The following THEMIS variants were observed in gnomAD, a reference collection of about 807,000 sequenced individuals.
THEMIS encodes protein THEMIS.
In THEMIS, 37 loss-of-function variants were observed where a neutral mutation model predicts 52.6. That is an observed-to-expected ratio of 0.70 (90% confidence interval 0.54 to 0.93). The LOEUF (loss-of-function observed/expected upper bound fraction) is 0.93. Ranked by LOEUF, THEMIS falls within the 40% of genes least tolerant of loss-of-function variation. The pLI is 0.00. For synonymous variants in THEMIS, 292 were observed against 272.7 expected (o/e 1.07, Z -0.70); for missense variants, 808 against 763.1 (o/e 1.06, Z -0.69).
intron 1 of THEMIS, among the ~76,000 whole-genome samples, chr6:127,899,043 G>C (rs1474750781): frequency 6.6e-6 from 1 of 151,798 alleles, no homozygotes; most frequent in Non-Finnish European, 1.5e-5. Flanking sequence ...ATAAGATCTA[G>C]TGTTTGGTAG....
chr6:127,759,181 AG>A (rs1278918749), intron 4 of THEMIS, among the ~76,000 whole-genome samples: 3 of 152,186 alleles, frequency 2.0e-5, no homozygotes, highest in African/African-American at 7.2e-5. Flanking sequence ...TTTTAAATAA[AG>A]ATGCTTGATT....
intron 1 of THEMIS, among the ~76,000 whole-genome samples, chr6:127,864,367 C>A (rs1444755157): frequency 6.6e-6 from 1 of 152,028 alleles, no homozygotes; most frequent in Admixed American, 6.6e-5. Context: ...TTTTGATTTA[C>A]AAGAGCTGTT....
intron 1 of THEMIS, among the ~76,000 whole-genome samples, chr6:127,908,539 A>G (rs1781333540): frequency 6.6e-6 from 1 of 152,142 alleles, no homozygotes; most frequent in African/African-American, 2.4e-5. Flanking sequence ...TGTCTTGCAA[A>G]GTGCAATGTG....
intron 4 of THEMIS, among the ~76,000 whole-genome samples, chr6:127,800,100 G>A (rs570554367): frequency 2.2e-4 from 34 of 152,244 alleles, no homozygotes; most frequent in African/African-American, 7.2e-4. Context: ...CATTGTTGAT[G>A]AGCTTTTTCT....
At chr6:127,748,106 G>A (rs1280931447) in intron 4 of THEMIS, among the ~76,000 whole-genome samples, 2 of 152,058 alleles carry the variant, frequency 1.3e-5, no homozygotes, top group East Asian at 3.9e-4. Context: ...GGAGCTAATG[G>A]CTGGCAGAAT....
chr6:127,778,945 G>C (rs1343946607), intron 4 of THEMIS, among the ~76,000 whole-genome samples: 1 of 150,950 alleles, frequency 6.6e-6, no homozygotes, highest in African/African-American at 2.4e-5. Context: ...TTATTATACT[G>C]CACAGAAGCA....
intron 3 of THEMIS, among the ~76,000 whole-genome samples, chr6:127,826,939 A>AT (rs146784148): frequency 0.02 from 3,061 of 150,234 alleles, 115 homozygotes; most frequent in African/African-American, 0.069. Flanking sequence ...AAACATTTTT[A>AT]TTTTTTTTTT....
chr6:127,858,238 T>A (rs547989005), intron 1 of THEMIS, among the ~76,000 whole-genome samples: 2 of 152,204 alleles, frequency 1.3e-5, no homozygotes, highest in East Asian at 1.9e-4. Flanking sequence ...AGCTTTTGAC[T>A]CTTCAGGTCT....
At chr6:127,742,931 T>C (rs1447929898) in intron 4 of THEMIS, among the ~76,000 whole-genome samples, 4 of 152,166 alleles carry the variant, frequency 2.6e-5, no homozygotes, top group Non-Finnish European at 5.9e-5. Flanking sequence ...GGTAGAAATT[T>C]GTATTATGTA....
chr6:127,874,940 C>A (rs1780269986), intron 1 of THEMIS, among the ~76,000 whole-genome samples: 1 of 152,244 alleles, frequency 6.6e-6, no homozygotes, highest in African/African-American at 2.4e-5. Context: ...GCTGAACAGC[C>A]AGCAAAGCTG....
chr6:127,887,436 T>C (rs1780679399), intron 1 of THEMIS, among the ~76,000 whole-genome samples: 1 of 152,152 alleles, frequency 6.6e-6, no homozygotes. Flanking sequence ...TTATTCATAA[T>C]ACTTGCAATC....
At chr6:127,706,590 T>A (rs537647826), downstream of THEMIS, among the ~76,000 whole-genome samples, 2 of 152,214 alleles carry the variant, frequency 1.3e-5, no homozygotes, top group East Asian at 3.9e-4. Context: ...GGGTTTACAG[T>A]CTAGTGTAAA....
chr6:127,848,933 G>A lies in THEMIS; in HGVS notation c.250+6097C>T, dbSNP rs1451531473. Among the ~76,000 whole-genome samples the A allele has an allele frequency of 8.5e-5, 13 of 152,142 alleles. 1 individual carries two copies. Among genetic ancestry groups the A allele is most frequent in the Admixed American group, 7.9e-4 (12 of 15,246 alleles). ...GTGCAGAAGCTCTTTAGTTTAATTAGATCCCATTTGTCAATTTTGGCTTTT... is the reference window on the plus strand; with the variant it reads ...GTGCAGAAGCTCTTTAGTTTAATTAAATCCCATTTGTCAATTTTGGCTTTT... On this transcript the variant is annotated intron_variant, in intron 2 of 5. Transcript: ENST00000368248.
intron 4 of THEMIS, among the ~76,000 whole-genome samples, chr6:127,734,896 A>AAAAATATAT (rs1554216674): frequency 1.5e-5 from 1 of 65,446 alleles, no homozygotes; most frequent in African/African-American, 5.5e-5. Context: ...AAAAAAAAAA[A>AAAAATATAT]ATATATATAT....
intron 4 of THEMIS, among the ~76,000 whole-genome samples, chr6:127,790,830 G>T (rs558112489): frequency 6.6e-6 from 1 of 152,184 alleles, no homozygotes; most frequent in Non-Finnish European, 1.5e-5. Flanking sequence ...GCTGCAGCAG[G>T]GTGGGCAGTG....
chr6:127,712,487 C>A (rs1264059816), intron 5 of THEMIS, among the ~76,000 whole-genome samples: 2 of 151,824 alleles, frequency 1.3e-5, no homozygotes, highest in East Asian at 3.9e-4. Context: ...TTCTAAAATC[C>A]AAATTGATTT....
At chr6:127,914,927 T>C (rs766767576) in intron 1 of THEMIS, among the ~76,000 whole-genome samples, 2 of 152,194 alleles carry the variant, frequency 1.3e-5, no homozygotes, top group Non-Finnish European at 2.9e-5. Flanking sequence ...ACAACAGTAA[T>C]TGACCAGAAA....
intron 2 of THEMIS, among the ~76,000 whole-genome samples, chr6:127,848,069 TC>T (rs71028109): frequency 0.59 from 55,351 of 93,456 alleles, 15,347 homozygotes; most frequent in East Asian, 0.8. Context: ...CCCTCCCCCC[TC>T]CCCCCCACCC....
At chr6:127,721,926 G>T (rs1774376608) in intron 4 of THEMIS, among the ~76,000 whole-genome samples, 1 of 151,948 alleles carries the variant, frequency 6.6e-6, no homozygotes, top group African/African-American at 2.4e-5. Context: ...GGAAAGTTAA[G>T]AATTCATGCA....
Sources: allele counts gnomAD v4.1 joint callset (sites outside exome capture counted in the v4.1 genomes callset), GRCh38; gene constraint gnomAD v4.1.1; transcripts MANE v1.5; gene names NCBI Gene and HGNC (gene_info 2026-07-23, HGNC 2026-07-21).